BICC1: variants seen among roughly 807,000 people sequenced by gnomAD.
BICC1 encodes protein bicaudal C homolog 1.
Under a neutral mutation model 111.0 loss-of-function variants are expected in BICC1, and 43 were observed. The observed-to-expected ratio is 0.39, with a 90% CI of 0.30 to 0.50. The LOEUF is 0.50. Ranked by LOEUF, BICC1 falls within the 20% of genes least tolerant of loss-of-function variation. The pLI, the probability that BICC1 is intolerant of heterozygous loss-of-function variation, is 0.88. For synonymous variants in BICC1, 467 were observed against 434.4 expected (o/e 1.07, Z -0.93); for missense variants, 1,091 against 1,203.2 (o/e 0.91, Z 1.38).
At chr10:58,694,268 G>A (rs535035784) in intron 2 of BICC1, among the ~76,000 whole-genome samples, 1 of 152,262 alleles carries the variant, frequency 6.6e-6, no homozygotes, top group East Asian at 1.9e-4. Context: ...GTGGTTTTAT[G>A]ACTGGGAGAC....
At chr10:58,641,588 C>T (rs1170742176) in intron 2 of BICC1, among the ~76,000 whole-genome samples, 5 of 151,810 alleles carry the variant, frequency 3.3e-5, no homozygotes, top group Non-Finnish European at 1.5e-5. Flanking sequence ...CGAGTATTGA[C>T]TAGTCTTAGA....
chr10:58,554,310 C>T (rs1453715933), intron 1 of BICC1, among the ~76,000 whole-genome samples: 1 of 152,106 alleles, frequency 6.6e-6, no homozygotes, highest in Non-Finnish European at 1.5e-5. Context: ...GAACCCTGAG[C>T]AGAACTTAGT....
chr10:58,676,272 A>G (rs1481386057), intron 2 of BICC1, among the ~76,000 whole-genome samples: 1 of 152,188 alleles, frequency 6.6e-6, no homozygotes, highest in Non-Finnish European at 1.5e-5. Context: ...CCAGTGAGAC[A>G]GAACTGTTCA....
At chr10:58,731,494 A>G (rs1051883151) in intron 3 of BICC1, among the ~76,000 whole-genome samples, 2 of 152,170 alleles carry the variant, frequency 1.3e-5, no homozygotes, top group Non-Finnish European at 2.9e-5. Context: ...TCCTGGTAGC[A>G]GTTTTCTGTA....
Position 58,537,242 on chromosome 10 carries a change from A to G in BICC1, c.190+23909A>G, listed in dbSNP as rs1439234260. On this transcript the variant is annotated intron_variant, in intron 1 of 20. Transcript: ENST00000373886. The stretch of plus-strand genomic sequence containing the variant: ...CCAGTCAGTATCATCCTGATACCAA[A>G]GCCAAGAAAGAACCTAGCAAAATAA... Among the ~76,000 whole-genome samples, 7 of 151,932 alleles carry G rather than the reference A, an allele frequency of 4.6e-5. No homozygotes were observed. In the East Asian group the frequency reaches 1.4e-3, roughly 30 times the overall value.
At chr10:58,755,272 C>T (rs1360351089) in intron 3 of BICC1, among the ~76,000 whole-genome samples, 3 of 152,166 alleles carry the variant, frequency 2.0e-5, no homozygotes, top group African/African-American at 7.2e-5. Flanking sequence ...TGTTTAGTGT[C>T]TAGCCTGCTT....
At chr10:58,645,037 G>A (rs1838224839) in intron 2 of BICC1, among the ~76,000 whole-genome samples, 3 of 151,820 alleles carry the variant, frequency 2.0e-5, no homozygotes, top group Non-Finnish European at 4.4e-5. Context: ...AGAACTCCCC[G>A]CCCCACCAAT....
intron 1 of BICC1, among the ~76,000 whole-genome samples, chr10:58,582,227 A>T (rs548085198): frequency 6.6e-6 from 1 of 152,278 alleles, no homozygotes; most frequent in East Asian, 1.9e-4. Context: ...ATATTACAGA[A>T]TTGCTCTCTG....
At chr10:58,648,653 G>C in intron 2 of BICC1, 1 of 984,810 alleles carries the variant, frequency 1.0e-6, no homozygotes, top group Non-Finnish European at 1.2e-6. Context: ...CATATCTTTA[G>C]GCATCAGAAC....
intron 1 of BICC1, among the ~76,000 whole-genome samples, chr10:58,589,721 A>G (rs2132035919): frequency 6.6e-6 from 1 of 152,198 alleles, no homozygotes; most frequent in South Asian, 2.1e-4. Flanking sequence ...AGTGATCTTC[A>G]TGCCTCGGCT....
At chr10:58,643,431 G>A (rs924296439) in intron 2 of BICC1, among the ~76,000 whole-genome samples, 3 of 152,168 alleles carry the variant, frequency 2.0e-5, no homozygotes, top group African/African-American at 7.2e-5. Context: ...ATCACCACCT[G>A]TCCATCAGAG....
chr10:58,731,640 G>A (rs564056811), intron 3 of BICC1, among the ~76,000 whole-genome samples: 6 of 152,140 alleles, frequency 3.9e-5, no homozygotes, highest in African/African-American at 1.4e-4. Context: ...GAGGCCTCAG[G>A]AAGCTTGTAC....
At chr10:58,706,306 GT>G (rs1405791032) in intron 3 of BICC1, among the ~76,000 whole-genome samples, 3 of 152,196 alleles carry the variant, frequency 2.0e-5, no homozygotes, top group Non-Finnish European at 4.4e-5. Flanking sequence ...AAATTTGATT[GT>G]TTTGCCAAAT....
chr10:58,568,537 G>C (rs1194059332), intron 1 of BICC1, among the ~76,000 whole-genome samples: 1 of 152,086 alleles, frequency 6.6e-6, no homozygotes, highest in East Asian at 1.9e-4. Flanking sequence ...CTTCTGGCAA[G>C]AATGAAAGGA....
intron 17 of BICC1, among the ~76,000 whole-genome samples, chr10:58,812,574 T>C (rs1481316617): frequency 2.0e-5 from 3 of 151,156 alleles, no homozygotes; most frequent in African/African-American, 4.9e-5. Context: ...GCCTCCTGGG[T>C]TCAAGCAATT....
At chr10:58,618,982 C>T (rs750522554) in intron 1 of BICC1, among the ~76,000 whole-genome samples, 11 of 151,226 alleles carry the variant, frequency 7.3e-5, no homozygotes, top group Admixed American at 3.3e-4. Flanking sequence ...TTTGTCATCT[C>T]TGATCTGTCC....
At chr10:58,544,201 G>A (rs1259784745) in intron 1 of BICC1, among the ~76,000 whole-genome samples, 2 of 151,970 alleles carry the variant, frequency 1.3e-5, no homozygotes, top group African/African-American at 4.8e-5. Context: ...GCACCCAACA[G>A]GAAAAAGGAT....
intron 17 of BICC1, among the ~76,000 whole-genome samples, chr10:58,813,247 A>C (rs2132937692): frequency 6.6e-6 from 1 of 152,286 alleles, no homozygotes; most frequent in Middle Eastern, 3.4e-3. Flanking sequence ...TTCAGTGCAA[A>C]TTTTAAATTA....
At chr10:58,668,104 T>G (rs1394131193) in intron 2 of BICC1, among the ~76,000 whole-genome samples, 1 of 152,048 alleles carries the variant, frequency 6.6e-6, no homozygotes, top group Non-Finnish European at 1.5e-5. Context: ...TTTAAGAAAA[T>G]GCATAGCATG....
Sources: allele counts gnomAD v4.1 joint callset (sites outside exome capture counted in the v4.1 genomes callset), GRCh38; gene constraint gnomAD v4.1.1; transcripts MANE v1.5; gene names NCBI Gene and HGNC (gene_info 2026-07-23, HGNC 2026-07-21).